Variants in GRK3 observed in about 807,000 individuals in gnomAD.
GRK3 encodes G protein-coupled receptor kinase 3, also known as adrenergic, beta, receptor kinase 2.
Under a neutral mutation model 95.7 loss-of-function variants are expected in GRK3, and 54 were observed. The ratio of observed to expected loss-of-function variants is 0.56; its 90% CI spans 0.45 to 0.71. GRK3 has a LOEUF of 0.71. GRK3 is among the 30% of genes least tolerant of loss of function. The pLI, the probability that GRK3 is intolerant of heterozygous loss-of-function variation, is 0.00. For missense variants in GRK3, 649 were observed against 851.2 expected (o/e 0.76, Z 2.96); for synonymous variants, 281 against 290.8 (o/e 0.97, Z 0.34).
chr22:25,587,126 G>C (rs28513762), intron 1 of GRK3, among the ~76,000 whole-genome samples: 1 of 152,098 alleles, frequency 6.6e-6, no homozygotes, highest in Non-Finnish European at 1.5e-5. Flanking sequence ...CCTGACCTCA[G>C]GTGATCCCCC....
At chr22:25,671,689 GC>G (rs2084984121) in intron 6 of GRK3, among the ~76,000 whole-genome samples, 1 of 152,180 alleles carries the variant, frequency 6.6e-6, no homozygotes, top group African/African-American at 2.4e-5. Flanking sequence ...ATAGTACCTG[GC>G]TGTAGAGTCT....
intron 15 of GRK3, among the ~76,000 whole-genome samples, chr22:25,707,275 C>T (rs771000709): frequency 2.6e-5 from 4 of 152,196 alleles, no homozygotes; most frequent in Non-Finnish European, 4.4e-5. Flanking sequence ...AAGTAAACTT[C>T]TTATTTAGCT....
At position 25,687,765 on chromosome 22, in the gene GRK3, A is replaced by G. The variant is rs1351926876; in HGVS notation, c.957+98A>G. On this transcript the variant is annotated intron_variant, in intron 11 of 20. Transcript: ENST00000324198. Reference sequence around the variant, plus strand: ...TTCATAGAGTCCTGTCATTTTCCTCATAGCCCTCATCTCAGCCCTGATGAA... The same window carrying G: ...TTCATAGAGTCCTGTCATTTTCCTCGTAGCCCTCATCTCAGCCCTGATGAA... 3.6e-6 allele frequency: 5 copies of G among 1,371,230 alleles called. No homozygotes were observed. The South Asian group carries it at 3.9e-5, about 11-fold the overall frequency. 84.9% of individuals were successfully genotyped at this position (1,371,230 alleles called of 1,614,324 possible).
At chr22:25,691,933 A>G (rs1481920121) in intron 12 of GRK3, among the ~76,000 whole-genome samples, 3 of 152,178 alleles carry the variant, frequency 2.0e-5, no homozygotes, top group Non-Finnish European at 2.9e-5. Flanking sequence ...GGAGGCTACT[A>G]CTTTAAAAAG....
chr22:25,687,775 T>C (rs2085127847), intron 11 of GRK3, 108 bp downstream of exon 11: 4 of 1,271,518 alleles, frequency 3.1e-6, no homozygotes, highest in South Asian at 1.4e-5. Flanking sequence ...ATAGCCCTCA[T>C]CTCAGCCCTG....
intron 13 of GRK3, among the ~76,000 whole-genome samples, chr22:25,700,864 G>A (rs748135830): frequency 1.3e-5 from 2 of 152,200 alleles, no homozygotes; most frequent in Non-Finnish European, 1.5e-5. Context: ...GATTACAGGC[G>A]TGACCCACCG....
At chr22:25,667,647 G>C (rs1394680642) in intron 5 of GRK3, 92 bp from the exon 6 acceptor site, 1 of 844,266 alleles carries the variant, frequency 1.2e-6, no homozygotes, top group Non-Finnish European at 2.0e-6. Context: ...GTGCATAATT[G>C]GGAACTTCGC....
At position 25,718,921 on chromosome 22, in the gene GRK3, T is replaced by G. The variant is rs980214726; in HGVS notation, c.1791+540T>G. The stretch of plus-strand genomic sequence containing the variant: ...AAAATAACAACAAAACAATAAAAAC[T>G]AATACAGAAAAAAAACAACACAGTC... On this transcript the variant is annotated intron_variant, in intron 19 of 20. Coordinates refer to ENST00000324198, the MANE Select transcript of GRK3 (RefSeq NM_005160.4). Among the ~76,000 whole-genome samples the G allele has an allele frequency of 3.5e-4, 53 of 152,146 alleles. No individual in the cohort carries two copies. In the Middle Eastern group the frequency reaches 0.014, roughly 39 times the overall value.
chr22:25,701,241 G>A (rs970639121), intron 13 of GRK3, among the ~76,000 whole-genome samples: 4 of 152,182 alleles, frequency 2.6e-5, no homozygotes, highest in East Asian at 1.9e-4. Flanking sequence ...GAGCAGCTGC[G>A]ATCACACAGG....
intron 3 of GRK3, among the ~76,000 whole-genome samples, chr22:25,660,869 T>C (rs754613457): frequency 3.3e-5 from 5 of 152,224 alleles, no homozygotes; most frequent in Admixed American, 6.5e-5. Context: ...GGTTAGAGCA[T>C]TGGGAGCCAT....
intron 11 of GRK3, among the ~76,000 whole-genome samples, chr22:25,688,034 A>C (rs1004261702): frequency 3.9e-5 from 6 of 152,190 alleles, no homozygotes; most frequent in African/African-American, 9.7e-5. Context: ...CAGGAGATCA[A>C]GGCCATCCTG....
chr22:25,600,640 A>G (rs1188124801), intron 1 of GRK3, among the ~76,000 whole-genome samples: 2 of 152,214 alleles, frequency 1.3e-5, no homozygotes. Context: ...GAGGATGTGC[A>G]TAAGTGCTCT....
At position 25,710,721 on chromosome 22, in the gene GRK3, C is replaced by T. The variant is rs550329067; in HGVS notation, c.1396-347C>T. Among the ~76,000 whole-genome samples, 238 of 152,310 alleles carry T rather than the reference C, an allele frequency of 1.6e-3. 1 individual carries two copies. Among genetic ancestry groups the T allele is most frequent in the African/African-American group, 5.3e-3 (222 of 41,562 alleles). On this transcript the variant is annotated intron_variant, in intron 16 of 20. Coordinates refer to ENST00000324198, the MANE Select transcript of GRK3 (RefSeq NM_005160.4). ...CAGGCCCCATTGTCTGTTGTGGCTC[C>T]GGCAACCCAAAGGTGGTGTTGCGTC...
At chr22:25,623,314 A>T (rs2146359959) in intron 2 of GRK3, among the ~76,000 whole-genome samples, 2 of 152,322 alleles carry the variant, frequency 1.3e-5, no homozygotes, top group South Asian at 4.1e-4. Flanking sequence ...AAATGACGAG[A>T]CAGAGTGATG....
chr22:25,630,426 T>C (rs893943307), intron 2 of GRK3, among the ~76,000 whole-genome samples: 1 of 152,248 alleles, frequency 6.6e-6, no homozygotes, highest in Non-Finnish European at 1.5e-5. Flanking sequence ...GTTTACTGTC[T>C]GATGTGCAGA....
chr22:25,687,220 A>G lies in GRK3; in HGVS notation c.827-317A>G, dbSNP rs557652290. On this transcript the variant is annotated intron_variant, in intron 10 of 20. Transcript: ENST00000324198. ...CACTCCATGGGTTGATTCACTTACTAGGATTTAGGTAATCAAAGCAGGTTA... is the reference window on the plus strand; with the variant it reads ...CACTCCATGGGTTGATTCACTTACTGGGATTTAGGTAATCAAAGCAGGTTA... 1.1e-4 allele frequency among the ~76,000 whole-genome samples: 16 copies of G among 151,680 alleles called. No homozygotes were observed. The South Asian group carries it at 3.3e-3, about 32-fold the overall frequency.
At chr22:25,633,438 C>T (rs2084678311) in intron 2 of GRK3, among the ~76,000 whole-genome samples, 1 of 152,090 alleles carries the variant, frequency 6.6e-6, no homozygotes, top group Non-Finnish European at 1.5e-5. Flanking sequence ...ATTCCATGAA[C>T]ATGGTTTTAT....
At chr22:25,620,667 G>T (rs531193078) in intron 2 of GRK3, among the ~76,000 whole-genome samples, 1 of 152,230 alleles carries the variant, frequency 6.6e-6, no homozygotes, top group South Asian at 2.1e-4. Context: ...ACTCTTTCTG[G>T]CTACTTCCTG....
At chr22:25,647,182 T>TGGGGCCCC in intron 3 of GRK3, 1 of 123,988 alleles carries the variant, frequency 8.1e-6, no homozygotes, top group African/African-American at 3.4e-5. Flanking sequence ...GGGCCTCACC[T>TGGGGCCCC]CCACCCACCG....
Sources: gnomAD v4.1 joint callset for allele counts (sites outside exome capture counted in the v4.1 genomes callset) on GRCh38, gnomAD v4.1.1 for gene constraint, MANE v1.5 for transcripts, NCBI Gene and HGNC (gene_info 2026-07-23, HGNC 2026-07-21) for gene names.